Variants in GPM6A observed in about 807,000 individuals in gnomAD.
The protein encoded by GPM6A is neuronal membrane glycoprotein M6-a.
GPM6A carries 7 observed loss-of-function variants against 32.1 expected under a neutral mutation model. The observed-to-expected ratio is 0.22, with a 90% CI of 0.12 to 0.41. GPM6A has a LOEUF of 0.41. Among genes scored for constraint, GPM6A ranks in the 10% least tolerant of loss-of-function variants. The pLI is 1.00. For synonymous variants in GPM6A, 130 were observed against 123.4 expected, an observed-to-expected ratio of 1.05 and a Z score of -0.35; for missense variants, 235 against 347.2, an observed-to-expected ratio of 0.68 and a Z score of 2.57.
chr4:175,812,301 G>GTTTTT (rs70962418), upstream of GPM6A: 58 of 793,048 alleles, frequency 7.3e-5, 6 homozygotes, highest in East Asian at 9.3e-4. Flanking sequence ...AAAACTGGGG[G>GTTTTT]TTTTTTTTTT....
At chr4:175,919,476 A>C (rs950348185) in intron 1 of GPM6A, among the ~76,000 whole-genome samples, 2 of 152,182 alleles carry the variant, frequency 1.3e-5, no homozygotes, top group African/African-American at 4.8e-5. Flanking sequence ...TTATTTTTGG[A>C]CCAACAAAAC....
At chr4:175,794,822 A>C (rs1300152725) in intron 1 of GPM6A, among the ~76,000 whole-genome samples, 1 of 112,852 alleles carries the variant, frequency 8.9e-6, no homozygotes, top group East Asian at 2.6e-4. Context: ...GTAGGCCTAG[A>C]AACTTTGCTT....
Position 175,896,549 on chromosome 4 carries a change from C to T in GPM6A, c.-22-84300G>A, listed in dbSNP as rs561452319. Among the ~76,000 whole-genome samples, 5 of 152,076 alleles carry T rather than the reference C, an allele frequency of 3.3e-5. No homozygotes were observed. In the South Asian group the frequency reaches 1.0e-3, roughly 32 times the overall value. On this transcript the variant is annotated intron_variant, in intron 1 of 7. Coordinates refer to the GPM6A transcript ENST00000280187. Reference sequence around the variant, plus strand: ...TCTTCACTCTACCCCAGTTATGGACCCAACACTATTTCTTTAAAGAGTTTA... The same window carrying T: ...TCTTCACTCTACCCCAGTTATGGACTCAACACTATTTCTTTAAAGAGTTTA...
chr4:175,735,208 C>A (rs1217591936), intron 1 of GPM6A, among the ~76,000 whole-genome samples: 1 of 152,094 alleles, frequency 6.6e-6, no homozygotes. Context: ...CTCTAACAGG[C>A]TGAAGAATTA....
At chr4:175,749,309 G>C (rs556631990) in intron 1 of GPM6A, among the ~76,000 whole-genome samples, 1 of 152,180 alleles carries the variant, frequency 6.6e-6, no homozygotes, top group South Asian at 2.1e-4. Context: ...TAATGAAAAA[G>C]TTTGAAATAT....
intron 1 of GPM6A, among the ~76,000 whole-genome samples, chr4:175,750,869 A>G (rs1197235956): frequency 1.3e-5 from 2 of 152,144 alleles, no homozygotes; most frequent in African/African-American, 4.8e-5. Flanking sequence ...CACCACGCTG[A>G]GGCTATTTTA....
At chr4:175,640,290 C>G in intron 5 of GPM6A, 96 bp from the exon 6 acceptor site, 1 of 934,662 alleles carries the variant, frequency 1.1e-6, no homozygotes, top group Non-Finnish European at 1.7e-6. Context: ...CTTTGTACAT[C>G]TTAAATAAAA....
intron 1 of GPM6A, among the ~76,000 whole-genome samples, chr4:175,792,116 A>T (rs1734034891): frequency 6.6e-6 from 1 of 152,164 alleles, no homozygotes. Context: ...AAGTAATTTG[A>T]TCTCATTATA....
chr4:175,701,443 G>A, intron 2 of GPM6A, 132 bp downstream of exon 2: 1 of 668,382 alleles, frequency 1.5e-6, no homozygotes, highest in Non-Finnish European at 2.6e-6. Flanking sequence ...TTACCCTTTT[G>A]AATCAGGTAT....
In GPM6A at chr4:175,968,737, C is replaced by G. The variant is rs116107837; in HGVS notation, c.-23+33572G>C. 4.0e-3 allele frequency among the ~76,000 whole-genome samples: 608 copies of G among 152,258 alleles called. 3 individuals carry two copies. Among genetic ancestry groups the G allele is most frequent in the African/African-American group, 0.014 (565 of 41,560 alleles). ...GATAAAAGAATAAGATACGTTTACACACTTGTGAGAATGGCAAAAATCCAA... is the reference window on the plus strand; with the variant it reads ...GATAAAAGAATAAGATACGTTTACAGACTTGTGAGAATGGCAAAAATCCAA... On this transcript the variant is annotated intron_variant, in intron 1 of 7. Transcript: ENST00000280187.
Position 175,720,546 on chromosome 4 carries a change from TAACTA to T in GPM6A, c.38-18784_38-18780del, listed in dbSNP as rs1368624534. Among the ~76,000 whole-genome samples the T allele has an allele frequency of 2.6e-5, 4 of 152,332 alleles. No individual in the cohort carries two copies. In the East Asian group the frequency reaches 7.7e-4, roughly 29 times the overall value. On this transcript the variant is annotated intron_variant, in intron 1 of 6. Transcript: ENST00000393658. ...TGTACTGTGGGCCACATGAGATTAA[TAACTA>T]GTTCTCAAGACTAAGGAATATGTTT...
At chr4:175,711,455 TATACAC>T (rs1560890068) in intron 1 of GPM6A, among the ~76,000 whole-genome samples, 3 of 30,684 alleles carry the variant, frequency 9.8e-5, no homozygotes, top group Non-Finnish European at 1.7e-4. Context: ...TATATATATA[TATACAC>T]ACACATACAT....
At chr4:175,816,327 C>T (rs980685971), upstream of GPM6A, among the ~76,000 whole-genome samples, 3 of 152,176 alleles carry the variant, frequency 2.0e-5, no homozygotes, top group African/African-American at 7.2e-5. Flanking sequence ...TATGTGAGCT[C>T]ACTCAATCCA....
chr4:175,707,389 G>A (rs921233264), intron 1 of GPM6A, among the ~76,000 whole-genome samples: 1 of 152,144 alleles, frequency 6.6e-6, no homozygotes, highest in African/African-American at 2.4e-5. Flanking sequence ...TGAATGTCAT[G>A]GCTATTCATT....
rs1025974756 is a variant in GPM6A at position 175,683,572 on chromosome 4, A to G, written c.231-9736T>C. Among the ~76,000 whole-genome samples, 8 of 152,142 alleles carry G rather than the reference A, an allele frequency of 5.3e-5. No individual in the cohort carries two copies. In the East Asian group the frequency reaches 9.7e-4, roughly 18 times the overall value. On this transcript the variant is annotated intron_variant, in intron 2 of 6. Coordinates refer to ENST00000393658, the MANE Select transcript of GPM6A (RefSeq NM_201591.3). The stretch of plus-strand genomic sequence containing the variant: ...AATTATAATCCCCAATAATGAAGGT[A>G]GGGCCTGATGGGAGGCATTTGGGTC...
intron 1 of GPM6A, chr4:175,960,627 A>T (rs992883429): frequency 9.9e-5 from 15 of 152,128 alleles, no homozygotes; most frequent in African/African-American, 3.6e-4. Flanking sequence ...CCCTGTGTCC[A>T]TGTATTCTCA....
chr4:175,890,944 A>G, intron 1 of GPM6A, among the ~76,000 whole-genome samples: 1 of 152,326 alleles, frequency 6.6e-6, no homozygotes, highest in East Asian at 1.9e-4. Context: ...AAAATGATAC[A>G]TAGCCCAAAT....
rs1357760244 is a variant in GPM6A, at chr4:175,858,711, T to A, written c.-22-46462A>T. Among the ~76,000 whole-genome samples the A allele has an allele frequency of 2.0e-5, 3 of 152,176 alleles. No individual in the cohort carries two copies. The East Asian group carries it at 5.8e-4, about 29-fold the overall frequency. The stretch of plus-strand genomic sequence containing the variant: ...TATATCAACCATATGATCGATCCAC[T>A]CCACATCTAGGTGTATACCCAAGAG... On this transcript the variant is annotated intron_variant, in intron 1 of 7. Transcript: ENST00000280187.
chr4:175,682,985 T>A (rs888521489), intron 2 of GPM6A, among the ~76,000 whole-genome samples: 4 of 152,130 alleles, frequency 2.6e-5, no homozygotes, highest in Non-Finnish European at 5.9e-5. Context: ...GGGTCACTGA[T>A]CTCCAGACCC....
Sources: allele counts gnomAD v4.1 joint callset (sites outside exome capture counted in the v4.1 genomes callset), GRCh38; gene constraint gnomAD v4.1.1; transcripts MANE v1.5; gene names NCBI Gene and HGNC (gene_info 2026-07-23, HGNC 2026-07-21).